KRAS: variants seen among roughly 807,000 people sequenced by gnomAD.
The protein encoded by KRAS is GTPase KRas.
In KRAS, 1 loss-of-function variant was observed where a neutral mutation model predicts 21.0. That is an observed-to-expected ratio of 0.05 (90% confidence interval 0.02 to 0.23). The LOEUF is 0.23. KRAS is among the 10% of genes least tolerant of loss of function. KRAS has a pLI of 1.00. For missense variants in KRAS, 107 were observed against 221.8 expected (o/e 0.48, Z 3.29); for synonymous variants, 67 against 72.5 (o/e 0.92, Z 0.39).
chr12:25,233,670 A>G (rs1477618208), intron 2 of KRAS: 1 of 209,460 alleles, frequency 4.8e-6, no homozygotes, highest in Non-Finnish European at 9.7e-6. Flanking sequence ...TTACTTGTGA[A>G]ATTGTTTAAG....
At chr12:25,238,380 T>C (rs1951569612) in intron 2 of KRAS, among the ~76,000 whole-genome samples, 1 of 152,234 alleles carries the variant, frequency 6.6e-6, no homozygotes, top group African/African-American at 2.4e-5. Flanking sequence ...GATCCAATCT[T>C]AATGCCAATA....
intron 4 of KRAS, 87 bp downstream of exon 4, chr12:25,225,527 T>C (rs2141505153): frequency 7.7e-7 from 1 of 1,305,282 alleles, no homozygotes; most frequent in Non-Finnish European, 1.1e-6. Context: ...TAGTATAGCA[T>C]AATTGAGAGA....
intron 4 of KRAS, among the ~76,000 whole-genome samples, chr12:25,214,693 T>C (rs1348529387): frequency 6.6e-6 from 1 of 152,152 alleles, no homozygotes; most frequent in Non-Finnish European, 1.5e-5. Context: ...CGGCCAAAAA[T>C]GACATTTCTT....
intron 2 of KRAS, among the ~76,000 whole-genome samples, chr12:25,232,162 G>C (rs1372785402): frequency 6.6e-6 from 1 of 150,992 alleles, no homozygotes; most frequent in East Asian, 1.9e-4. Flanking sequence ...TTTGGAGGAA[G>C]AAAAAAAAAT....
At position 25,206,710 on chromosome 12, in the gene KRAS, A is replaced by C. The variant is rs1951142341; in HGVS notation, c.*3085T>G. On this transcript the variant is annotated 3_prime_UTR_variant, in exon 5 of 5. Transcript: ENST00000311936. The stretch of plus-strand genomic sequence containing the variant: ...CCAAAGATCTGTAGTTTCACATAGC[A>C]ATTCAGAAATCATAGTGATTTTTAC... 5.0e-6 allele frequency: 1 copy of C among 198,568 alleles called. No homozygotes were observed. Among genetic ancestry groups the C allele is most frequent in the African/African-American group, 2.3e-5 (1 of 43,434 alleles). The allele number at this position is 198,568 out of a possible 1,614,324, so 12.3% of individuals were successfully genotyped here. A position where few individuals can be genotyped will look rare whatever the true frequency, so the allele number is the denominator to read the frequency against.
At chr12:25,220,661 AG>A (rs965614333) in intron 4 of KRAS, among the ~76,000 whole-genome samples, 5 of 150,658 alleles carry the variant, frequency 3.3e-5, no homozygotes, top group African/African-American at 1.2e-4. Flanking sequence ...CGGGAAGCGG[AG>A]GTTGCAGTGA....
intron 4 of KRAS, among the ~76,000 whole-genome samples, chr12:25,223,847 C>T (rs1019397163): frequency 6.6e-6 from 1 of 152,010 alleles, no homozygotes; most frequent in Non-Finnish European, 1.5e-5. Context: ...TTAATTTCTA[C>T]AAAACTGGTT....
chr12:25,244,918 C>T (rs1041911805), intron 2 of KRAS, among the ~76,000 whole-genome samples: 7 of 152,170 alleles, frequency 4.6e-5, no homozygotes, highest in African/African-American at 1.7e-4. Flanking sequence ...TTAAATCTAA[C>T]CTTTACATAT....
At position 25,209,285 on chromosome 12, in the gene KRAS, C is replaced by A; in HGVS notation, c.*510G>T. On this transcript the variant is annotated 3_prime_UTR_variant, in exon 5 of 5. Transcript: ENST00000311936. ...GTGAACAGTGTAACTTTACATTCAT[C>A]AGGGATGACAAACTATAGGACATGA... is the stretch of plus-strand genomic sequence containing the variant. 1 of 644,436 alleles carries A rather than the reference C, an allele frequency of 1.6e-6. No homozygotes were observed. The highest frequency in any genetic ancestry group is 2.8e-6 in the Non-Finnish European group (1 of 359,272). 39.9% of individuals were successfully genotyped at this position (644,436 alleles called of 1,614,324 possible).
chr12:25,242,360 G>A (rs981818073), intron 2 of KRAS, among the ~76,000 whole-genome samples: 2 of 151,546 alleles, frequency 1.3e-5, no homozygotes, highest in African/African-American at 2.4e-5. Flanking sequence ...TTTTTAAAAC[G>A]AGACTTTTCC....
rs914054467 is a variant in KRAS at position 25,207,932 on chromosome 12, A to G, written c.*1863T>C. On this transcript the variant is annotated 3_prime_UTR_variant, in exon 5 of 5. Transcript: ENST00000311936. Reference sequence around the variant, plus strand: ...TCTTATGGTTAGGGGAATTACAAGTATTAAAACTGCATCAAGTCATGGGGC... The same window carrying G: ...TCTTATGGTTAGGGGAATTACAAGTGTTAAAACTGCATCAAGTCATGGGGC... 4 of 233,140 alleles carry G rather than the reference A, an allele frequency of 1.7e-5. No homozygotes were observed. Among genetic ancestry groups the G allele is most frequent in the African/African-American group, 8.8e-5 (4 of 45,336 alleles). The allele number at this position is 233,140 out of a possible 1,614,324, so 14.4% of individuals were successfully genotyped here.
intron 2 of KRAS, chr12:25,234,327 A>C (rs1951516644): frequency 5.6e-6 from 1 of 180,062 alleles, no homozygotes; most frequent in Admixed American, 6.3e-5. Flanking sequence ...CTATCTTGGA[A>C]AAAAGAAAGA....
chr12:25,236,092 A>AAAGGCTTAGAGGATCTCT (rs1271059130), intron 2 of KRAS, among the ~76,000 whole-genome samples: 2 of 151,952 alleles, frequency 1.3e-5, no homozygotes, highest in Admixed American at 6.6e-5. Flanking sequence ...TGGGGATCTC[A>AAAGGCTTAGAGGATCTCT]AAGGCTTAGA....
intron 1 of KRAS, among the ~76,000 whole-genome samples, chr12:25,246,585 G>T (rs934472338): frequency 6.6e-6 from 1 of 151,772 alleles, no homozygotes; most frequent in African/African-American, 2.4e-5. Context: ...AAAAAGATTA[G>T]AGATAAACAC....
At chr12:25,232,296 G>C (rs1006864346) in intron 2 of KRAS, among the ~76,000 whole-genome samples, 8 of 152,114 alleles carry the variant, frequency 5.3e-5, no homozygotes, top group Admixed American at 1.3e-4. Flanking sequence ...TAGTTAAATA[G>C]CTGTTTAAAA....
At chr12:25,247,237 GTAGA>G (rs879323349) in intron 1 of KRAS, among the ~76,000 whole-genome samples, 6 of 152,154 alleles carry the variant, frequency 3.9e-5, no homozygotes, top group Admixed American at 3.9e-4. Context: ...TGCATATATT[GTAGA>G]TAAACACTAA....
intron 1 of KRAS, among the ~76,000 whole-genome samples, chr12:25,250,323 G>A (rs1388230326): frequency 6.6e-6 from 1 of 152,006 alleles, no homozygotes; most frequent in Non-Finnish European, 1.5e-5. Flanking sequence ...GGAAAGGGAG[G>A]CAAGAGGTGC....
At position 25,209,333 on chromosome 12, in the gene KRAS, G is replaced by GA. The variant is rs747005274; in HGVS notation, c.*461dup. 6.8e-6 allele frequency: 4 copies of GA among 592,394 alleles called. No individual in the cohort carries two copies. The highest frequency in any genetic ancestry group is 3.1e-5 in the Admixed American group (1 of 32,394). 36.7% of individuals were successfully genotyped at this position (592,394 alleles called of 1,614,324 possible). A position where few individuals can be genotyped will look rare whatever the true frequency, so the allele number is the denominator to read the frequency against. ...TGATGCCTAGAAGAATCATCATCAG[G>GA]AAGCCCATAAATTTGTGTTCCCTCA... On this transcript the variant is annotated 3_prime_UTR_variant, in exon 5 of 5. Transcript: ENST00000311936.
At chr12:25,210,826 G>A (rs1951193448) in intron 4 of KRAS, 1 of 152,118 alleles carries the variant, frequency 6.6e-6, no homozygotes, top group Non-Finnish European at 1.5e-5. Context: ...GCGATTTTAA[G>A]CCATAATACT....
Sources: gnomAD v4.1 joint callset for allele counts (sites outside exome capture counted in the v4.1 genomes callset) on GRCh38, gnomAD v4.1.1 for gene constraint, MANE v1.5 for transcripts, NCBI Gene and HGNC (gene_info 2026-07-23, HGNC 2026-07-21) for gene names.